The following MPPED2 variants were observed in gnomAD, a reference collection of about 807,000 sequenced individuals.
MPPED2 encodes metallophosphoesterase MPPED2.
A neutral mutation model predicts 33.0 loss-of-function variants in MPPED2; 5 were observed. The ratio of observed to expected loss-of-function variants is 0.15; its 90% CI spans 0.08 to 0.32. The LOEUF is 0.32. Among genes scored for constraint, MPPED2 ranks in the 10% least tolerant of loss-of-function variants. The probability of loss-of-function intolerance (pLI) is 1.00; values close to 1 mark genes in which losing one functional copy is unlikely to be tolerated. For synonymous variants in MPPED2, 136 were observed against 141.9 expected, an observed-to-expected ratio of 0.96 and a Z score of 0.29; for missense variants, 275 against 372.1, an observed-to-expected ratio of 0.74 and a Z score of 2.15.
intron 4 of MPPED2, among the ~76,000 whole-genome samples, chr11:30,428,034 G>A (rs1169337956): frequency 6.6e-6 from 1 of 152,122 alleles, no homozygotes; most frequent in East Asian, 1.9e-4. Context: ...AGGGGGTAGG[G>A]AAATTAGTGG....
At position 30,458,640 on chromosome 11, in the gene MPPED2, T is replaced by G. The variant is rs764633865; in HGVS notation, c.536+36656A>C. 3.4e-3 allele frequency among the ~76,000 whole-genome samples: 513 copies of G among 152,284 alleles called. 7 individuals carry two copies. Among genetic ancestry groups the G allele is most frequent in the Non-Finnish European group, 2.2e-3 (148 of 68,026 alleles). Reference sequence around the variant, plus strand: ...TAAATACGCCACCAACCCAAACACCTACAGCTTCAAAGTCAGTTGTTCTCA... The same window carrying G: ...TAAATACGCCACCAACCCAAACACCGACAGCTTCAAAGTCAGTTGTTCTCA... On this transcript the variant is annotated intron_variant, in intron 4 of 6. Coordinates refer to ENST00000358117, the MANE Select transcript of MPPED2 (RefSeq NM_001584.3).
chr11:30,403,684 A>T (rs1284670209), intron 6 of MPPED2, among the ~76,000 whole-genome samples: 1 of 152,206 alleles, frequency 6.6e-6, no homozygotes, highest in African/African-American at 2.4e-5. Flanking sequence ...AACAAAAGGT[A>T]TGTGGAGTGG....
intron 4 of MPPED2, among the ~76,000 whole-genome samples, chr11:30,453,657 C>T (rs1026529555): frequency 5.3e-5 from 8 of 152,228 alleles, no homozygotes; most frequent in African/African-American, 1.9e-4. Flanking sequence ...ACAAGAATTT[C>T]TGGTCATTTT....
intron 4 of MPPED2, among the ~76,000 whole-genome samples, chr11:30,466,777 T>C (rs1950724625): frequency 6.6e-6 from 1 of 152,212 alleles, no homozygotes; most frequent in East Asian, 1.9e-4. Context: ...AAATACCTAC[T>C]GCATTTTTGG....
At chr11:30,390,503 T>C (rs1003819492) in intron 6 of MPPED2, among the ~76,000 whole-genome samples, 4 of 152,206 alleles carry the variant, frequency 2.6e-5, no homozygotes, top group Admixed American at 2.0e-4. Flanking sequence ...GAGGAGTTTA[T>C]GGTAATGGAG....
At chr11:30,466,762 G>A (rs7926699) in intron 4 of MPPED2, among the ~76,000 whole-genome samples, 34,966 of 152,132 alleles carry the variant, frequency 0.23, 6,467 homozygotes, top group African/African-American at 0.52. Flanking sequence ...GTGCTTTGTG[G>A]CCCCAAATAC....
intron 4 of MPPED2, among the ~76,000 whole-genome samples, chr11:30,419,632 G>C (rs1948523881): frequency 6.6e-6 from 1 of 152,110 alleles, no homozygotes; most frequent in Non-Finnish European, 1.5e-5. Context: ...TTCCATCCCT[G>C]TTCTAGAATG....
At chr11:30,500,099 A>G (rs1952487624) in intron 3 of MPPED2, among the ~76,000 whole-genome samples, 2 of 152,146 alleles carry the variant, frequency 1.3e-5, no homozygotes, top group African/African-American at 2.4e-5. Flanking sequence ...TTACTCAAAA[A>G]TTACTCAATG....
At chr11:30,505,104 T>C (rs907299224) in intron 3 of MPPED2, among the ~76,000 whole-genome samples, 2 of 152,176 alleles carry the variant, frequency 1.3e-5, no homozygotes, top group South Asian at 4.1e-4. Flanking sequence ...ACTACTGCAT[T>C]GCACTGATGG....
chr11:30,506,297 G>A (rs1436306134), intron 3 of MPPED2, among the ~76,000 whole-genome samples: 3 of 152,130 alleles, frequency 2.0e-5, no homozygotes, highest in Non-Finnish European at 4.4e-5. Context: ...GCCCGCCTCA[G>A]CCTCCCAAAG....
intron 6 of MPPED2, among the ~76,000 whole-genome samples, chr11:30,400,408 T>G (rs768687070): frequency 6.6e-6 from 1 of 152,120 alleles, no homozygotes; most frequent in Non-Finnish European, 1.5e-5. Context: ...CTTAATGGAA[T>G]GAAAAGGAAA....
rs2133726921 is a variant in MPPED2 at position 30,410,856 on chromosome 11, C to G, written c.*612G>C. 1 of 985,664 alleles carries G rather than the reference C, an allele frequency of 1.0e-6. No homozygotes were observed. The highest frequency in any genetic ancestry group is 1.1e-4 in the East Asian group (1 of 8,808). The allele number at this position is 985,664 out of a possible 1,614,324, so 61.1% of individuals were successfully genotyped here. ...AAACAAACAATGAGACCTTGTATAA[C>G]CACAATAGGAATCTCACTAGTTAAA... On this transcript the variant is annotated 3_prime_UTR_variant, in exon 7 of 7. Coordinates refer to ENST00000358117, the MANE Select transcript of MPPED2 (RefSeq NM_001584.3).
chr11:30,410,262 C>T lies in MPPED2; in HGVS notation c.*1206G>A, dbSNP rs1191775137. On this transcript the variant is annotated 3_prime_UTR_variant, in exon 7 of 7. Coordinates refer to ENST00000358117, the MANE Select transcript of MPPED2 (RefSeq NM_001584.3). ...CAATTTTATTTGCATATAAAGGCCG[C>T]TAGATATAGAATATCACAATAAATT... is the stretch of plus-strand genomic sequence containing the variant. 1.0e-6 allele frequency: 1 copy of T among 985,588 alleles called. No individual in the cohort carries two copies. Among genetic ancestry groups the T allele is most frequent in the Non-Finnish European group, 1.2e-6 (1 of 829,776 alleles). The allele number at this position is 985,588 out of a possible 1,614,324, so 61.1% of individuals were successfully genotyped here. A position where few individuals can be genotyped will look rare whatever the true frequency, so the allele number is the denominator to read the frequency against.
intron 2 of MPPED2, among the ~76,000 whole-genome samples, chr11:30,565,216 C>T (rs983557461): frequency 2.0e-5 from 3 of 152,096 alleles, no homozygotes; most frequent in African/African-American, 7.2e-5. Flanking sequence ...ACGCGAGGAA[C>T]TGATCTTTGA....
At position 30,442,052 on chromosome 11, in the gene MPPED2, C is replaced by T. The variant is rs576991703; in HGVS notation, c.537-24419G>A. Reference sequence around the variant, plus strand: ...ATAGTAAAACTGGCTCAGAGATGGCCAGAAGGAGCATTTTGTATCTTTTCA... The same window carrying T: ...ATAGTAAAACTGGCTCAGAGATGGCTAGAAGGAGCATTTTGTATCTTTTCA... On this transcript the variant is annotated intron_variant, in intron 4 of 6. Coordinates refer to ENST00000358117, the MANE Select transcript of MPPED2 (RefSeq NM_001584.3). Among the ~76,000 whole-genome samples the T allele has an allele frequency of 2.6e-5, 4 of 152,234 alleles. No individual in the cohort carries two copies. In the East Asian group the frequency reaches 7.7e-4, roughly 29 times the overall value.
intron 4 of MPPED2, among the ~76,000 whole-genome samples, chr11:30,458,412 T>C (rs1382505471): frequency 1.3e-5 from 2 of 152,158 alleles, no homozygotes; most frequent in Non-Finnish European, 2.9e-5. Context: ...CCTCATTCTA[T>C]AACACAGAGC....
At chr11:30,404,384 G>A (rs190819096) in intron 6 of MPPED2, among the ~76,000 whole-genome samples, 13 of 152,290 alleles carry the variant, frequency 8.5e-5, no homozygotes, top group Admixed American at 2.0e-4. Flanking sequence ...GGTGCATTTC[G>A]TCAATGGCAT....
At chr11:30,568,201 A>G (rs1168206127) in intron 2 of MPPED2, among the ~76,000 whole-genome samples, 3 of 152,180 alleles carry the variant, frequency 2.0e-5, no homozygotes, top group Admixed American at 2.0e-4. Flanking sequence ...TATGATTATG[A>G]TCCCTGCTAT....
intron 6 of MPPED2, among the ~76,000 whole-genome samples, chr11:30,401,013 C>T (rs974190795): frequency 1.3e-5 from 2 of 152,208 alleles, no homozygotes; most frequent in Non-Finnish European, 2.9e-5. Context: ...AAGTGATCTT[C>T]CTGCCTCAGC....
Sources: gnomAD v4.1 joint callset for allele counts (sites outside exome capture counted in the v4.1 genomes callset) on GRCh38, gnomAD v4.1.1 for gene constraint, MANE v1.5 for transcripts, NCBI Gene and HGNC (gene_info 2026-07-23, HGNC 2026-07-21) for gene names.